Variants in PEX5L observed in about 807,000 individuals in gnomAD.
The protein encoded by PEX5L is peroxisomal biogenesis factor 5 like.
A neutral mutation model predicts 84.0 loss-of-function variants in PEX5L; 30 were observed. That is an observed-to-expected ratio of 0.36 (90% CI 0.27 to 0.48). The LOEUF is 0.48. Among genes scored for constraint, PEX5L ranks in the 20% least tolerant of loss-of-function variants. The pLI, the probability that PEX5L is intolerant of heterozygous loss-of-function variation, is 0.99. For synonymous variants in PEX5L, 270 were observed against 283.1 expected (o/e 0.95, Z 0.46); for missense variants, 533 against 754.6 (o/e 0.71, Z 3.44).
chr3:179,901,463 T>C (rs887414514), intron 2 of PEX5L, among the ~76,000 whole-genome samples: 1 of 152,232 alleles, frequency 6.6e-6, no homozygotes, highest in Non-Finnish European at 1.5e-5. Context: ...AAACTTTAGA[T>C]AACATTAAGT....
At chr3:180,015,186 C>A (rs1443213900) in intron 1 of PEX5L, among the ~76,000 whole-genome samples, 2 of 152,130 alleles carry the variant, frequency 1.3e-5, no homozygotes, top group Non-Finnish European at 2.9e-5. Context: ...GCTCCGTAAA[C>A]CCCTTGAGGA....
intron 10 of PEX5L, 42 bp downstream of exon 10, chr3:179,815,819 C>T (rs878931900): frequency 1.2e-6 from 2 of 1,608,254 alleles, no homozygotes; most frequent in African/African-American, 1.3e-5. Flanking sequence ...CTTGTTAGCA[C>T]ATGCCCTTTC....
Position 179,801,630 on chromosome 3 carries a change from A to ACTC in PEX5L, c.*195_*197dup. 1.8e-6 allele frequency: 1 copy of ACTC among 557,220 alleles called. No homozygotes were observed. Among genetic ancestry groups the ACTC allele is most frequent in the Admixed American group, 3.1e-5 (1 of 32,634 alleles). The allele number at this position is 557,220 out of a possible 1,614,324, so 34.5% of individuals were successfully genotyped here. On this transcript the variant is annotated 3_prime_UTR_variant, in exon 15 of 15. Transcript: ENST00000467460. ...AATTCTTCTTTTGAGCCTGACTTTG[A>ACTC]CTCTATATACAACATTTTGTGCTTT...
intron 2 of PEX5L, among the ~76,000 whole-genome samples, chr3:179,944,783 C>T (rs777357554): frequency 4.6e-5 from 7 of 152,180 alleles, no homozygotes; most frequent in South Asian, 4.1e-4. Context: ...ACCTACAGTA[C>T]ATTGAAGGGT....
At chr3:179,824,212 A>G (rs1353275009) in intron 8 of PEX5L, among the ~76,000 whole-genome samples, 1 of 152,198 alleles carries the variant, frequency 6.6e-6, no homozygotes, top group African/African-American at 2.4e-5. Context: ...TTTGTGGTCA[A>G]ATGTAATTGT....
chr3:179,891,531 T>C (rs914491014), intron 3 of PEX5L, among the ~76,000 whole-genome samples: 1 of 152,126 alleles, frequency 6.6e-6, no homozygotes, highest in African/African-American at 2.4e-5. Context: ...CCTTATAAGC[T>C]CTGAAGCCAG....
chr3:179,824,532 C>T (rs1729653782), intron 8 of PEX5L, among the ~76,000 whole-genome samples: 2 of 151,864 alleles, frequency 1.3e-5, no homozygotes, highest in Admixed American at 1.3e-4. Context: ...ATGGAGAAAC[C>T]CCGTCTGTAC....
intron 1 of PEX5L, among the ~76,000 whole-genome samples, chr3:180,026,105 T>C (rs1248906914): frequency 6.6e-6 from 1 of 151,044 alleles, no homozygotes; most frequent in East Asian, 1.9e-4. Flanking sequence ...CGACGTATGA[T>C]GAATGTCATC....
intron 1 of PEX5L, among the ~76,000 whole-genome samples, chr3:179,974,882 G>T (rs12629537): frequency 6.6e-6 from 1 of 151,930 alleles, no homozygotes; most frequent in South Asian, 2.1e-4. Context: ...AAATAAACTT[G>T]CATTAAACTT....
intron 1 of PEX5L, among the ~76,000 whole-genome samples, chr3:180,016,594 C>T (rs534737534): frequency 1.3e-5 from 2 of 152,270 alleles, no homozygotes; most frequent in East Asian, 3.9e-4. Flanking sequence ...ACCAGCAGTG[C>T]AGCTGGAGCC....
At chr3:179,851,787 T>C (rs945105541) in intron 8 of PEX5L, among the ~76,000 whole-genome samples, 1 of 152,190 alleles carries the variant, frequency 6.6e-6, no homozygotes, top group African/African-American at 2.4e-5. Flanking sequence ...GGGCTGAATG[T>C]CCCCTAAGGA....
chr3:179,813,460 T>G (rs1259244813), intron 10 of PEX5L, among the ~76,000 whole-genome samples: 1 of 152,170 alleles, frequency 6.6e-6, no homozygotes, highest in African/African-American at 2.4e-5. Flanking sequence ...AGTTTCATAT[T>G]AGTGTAATAA....
chr3:179,966,909 G>A (rs1159832684), intron 2 of PEX5L, among the ~76,000 whole-genome samples: 5 of 152,138 alleles, frequency 3.3e-5, no homozygotes, highest in South Asian at 4.1e-4. Context: ...CCTGGTAGAC[G>A]TTCTCCTTGA....
chr3:179,979,669 TC>T (rs1786134090), intron 1 of PEX5L, among the ~76,000 whole-genome samples: 2 of 152,158 alleles, frequency 1.3e-5, no homozygotes, highest in South Asian at 4.1e-4. Flanking sequence ...ATCTCTCCCA[TC>T]CCCAACAGGA....
intron 2 of PEX5L, 118 bp downstream of exon 2, chr3:179,971,476 T>C (rs3774256): frequency 0.23 from 291,339 of 1,292,262 alleles, 34,971 homozygotes; most frequent in East Asian, 0.5. Context: ...AATCTTGTTA[T>C]GCAGGCTTTA....
chr3:179,935,941 T>C (rs192789614), intron 2 of PEX5L, among the ~76,000 whole-genome samples: 1 of 152,354 alleles, frequency 6.6e-6, no homozygotes, highest in African/African-American at 2.4e-5. Context: ...TCTGCTTCTC[T>C]GCCAGCTGCA....
At chr3:179,873,895 T>C (rs1030728790) in intron 7 of PEX5L, among the ~76,000 whole-genome samples, 1 of 152,210 alleles carries the variant, frequency 6.6e-6, no homozygotes, top group South Asian at 2.1e-4. Flanking sequence ...ATGACATTTA[T>C]TTTAATGTGA....
At chr3:180,036,446 T>C in intron 1 of PEX5L, 133 bp downstream of exon 1, 2 of 878,228 alleles carry the variant, frequency 2.3e-6, no homozygotes, top group Non-Finnish European at 3.9e-6. Context: ...CGGACAGAAA[T>C]GTCACGGTCA....
At chr3:179,861,396 A>G (rs1181719472) in intron 7 of PEX5L, among the ~76,000 whole-genome samples, 1 of 152,196 alleles carries the variant, frequency 6.6e-6, no homozygotes, top group Non-Finnish European at 1.5e-5. Flanking sequence ...TGTGCTAGCA[A>G]GGTCCTACTG....
Sources: allele counts gnomAD v4.1 joint callset (sites outside exome capture counted in the v4.1 genomes callset), GRCh38; gene constraint gnomAD v4.1.1; transcripts MANE v1.5; gene names NCBI Gene and HGNC (gene_info 2026-07-23, HGNC 2026-07-21).